The following ASIC2 variants were observed in gnomAD, a reference collection of about 807,000 sequenced individuals.
ASIC2 encodes acid sensing ion channel subunit 2.
A neutral mutation model predicts 57.3 loss-of-function variants in ASIC2; 25 were observed. The ratio of observed to expected loss-of-function variants is 0.44; its 90% CI spans 0.32 to 0.61. The LOEUF (loss-of-function observed/expected upper bound fraction) is 0.61. ASIC2 is among the 20% of genes least tolerant of loss of function. ASIC2 has a pLI of 0.06. For missense variants in ASIC2, 641 were observed against 738.1 expected, an observed-to-expected ratio of 0.87 and a Z score of 1.52; for synonymous variants, 319 against 307.5, an observed-to-expected ratio of 1.04 and a Z score of -0.39.
intron 1 of ASIC2, among the ~76,000 whole-genome samples, chr17:33,255,650 A>G (rs1202709859): frequency 6.6e-6 from 1 of 152,038 alleles, no homozygotes; most frequent in Admixed American, 6.6e-5. Flanking sequence ...TGATCTTTGT[A>G]GTGTTTTATT....
chr17:33,561,741 T>C, intron 1 of ASIC2, among the ~76,000 whole-genome samples: 1 of 152,182 alleles, frequency 6.6e-6, no homozygotes, highest in East Asian at 1.9e-4. Context: ...GAAAAAAATA[T>C]GTGCAAATAT....
chr17:33,155,568 T>C (rs977890952), intron 1 of ASIC2, among the ~76,000 whole-genome samples: 13 of 150,072 alleles, frequency 8.7e-5, no homozygotes, highest in East Asian at 1.9e-4. Flanking sequence ...TTCTTTCTTT[T>C]TTTTTTTTTT....
chr17:33,546,330 C>A (rs1039077370), intron 1 of ASIC2, among the ~76,000 whole-genome samples: 4 of 152,130 alleles, frequency 2.6e-5, no homozygotes, highest in Non-Finnish European at 5.9e-5. Context: ...TTCATGTTTT[C>A]TCAACACCTG....
chr17:33,922,039 C>A (rs190326026), intron 1 of ASIC2, among the ~76,000 whole-genome samples: 1 of 152,276 alleles, frequency 6.6e-6, no homozygotes, highest in Admixed American at 6.5e-5. Flanking sequence ...GGTCCAGGGC[C>A]ACTTTGCACT....
chr17:33,467,684 G>A (rs1034668752), intron 1 of ASIC2, among the ~76,000 whole-genome samples: 3 of 152,188 alleles, frequency 2.0e-5, no homozygotes, highest in African/African-American at 7.2e-5. Context: ...TTGATTCTAA[G>A]TCTTTAGAGA....
At chr17:33,275,162 C>T (rs932725520) in intron 1 of ASIC2, among the ~76,000 whole-genome samples, 1 of 152,118 alleles carries the variant, frequency 6.6e-6, no homozygotes, top group Non-Finnish European at 1.5e-5. Context: ...CCTGTCCCTG[C>T]GGCACTCCTG....
chr17:34,102,792 G>T (rs1044226883), intron 1 of ASIC2, among the ~76,000 whole-genome samples: 2 of 152,106 alleles, frequency 1.3e-5, no homozygotes, highest in African/African-American at 2.4e-5. Flanking sequence ...ATTTTCATAC[G>T]GTACTTTTTG....
At chr17:33,019,248 G>T (rs1036275221) in intron 7 of ASIC2, among the ~76,000 whole-genome samples, 1 of 152,024 alleles carries the variant, frequency 6.6e-6, no homozygotes, top group Non-Finnish European at 1.5e-5. Context: ...GCTGTCTATG[G>T]TTTTATGTAG....
At chr17:33,236,597 T>C (rs1224936523) in intron 1 of ASIC2, among the ~76,000 whole-genome samples, 5 of 152,156 alleles carry the variant, frequency 3.3e-5, no homozygotes, top group African/African-American at 1.2e-4. Context: ...TGCCTCAGCC[T>C]CCCAAAGTGC....
At chr17:34,081,495 T>G (rs555664279) in intron 1 of ASIC2, among the ~76,000 whole-genome samples, 28 of 152,266 alleles carry the variant, frequency 1.8e-4, no homozygotes, top group Admixed American at 1.7e-3. Flanking sequence ...TGGAAAGAGC[T>G]TTCCCCAGCA....
chr17:33,668,866 G>A (rs1382286073), intron 1 of ASIC2, among the ~76,000 whole-genome samples: 2 of 152,204 alleles, frequency 1.3e-5, no homozygotes, highest in East Asian at 3.9e-4. Context: ...AGTAGCAGAT[G>A]CAAAGGTAAA....
intron 1 of ASIC2, among the ~76,000 whole-genome samples, chr17:33,713,210 G>A (rs1909110028): frequency 6.6e-6 from 1 of 152,168 alleles, no homozygotes; most frequent in Non-Finnish European, 1.5e-5. Context: ...TGGTTTCTGG[G>A]GGCCATCTTG....
chr17:33,058,064 C>T (rs929205989), intron 3 of ASIC2, among the ~76,000 whole-genome samples: 1 of 152,064 alleles, frequency 6.6e-6, no homozygotes, highest in Non-Finnish European at 1.5e-5. Context: ...GGTATGTATG[C>T]CAGATGCCCT....
chr17:33,551,791 C>A (rs949897863), intron 1 of ASIC2, among the ~76,000 whole-genome samples: 2 of 152,174 alleles, frequency 1.3e-5, no homozygotes, highest in South Asian at 4.1e-4. Flanking sequence ...GGGAACTTGG[C>A]AGCATGGCTC....
intron 1 of ASIC2, among the ~76,000 whole-genome samples, chr17:33,972,654 G>A (rs1340595157): frequency 6.6e-6 from 1 of 152,198 alleles, no homozygotes; most frequent in East Asian, 1.9e-4. Flanking sequence ...AGCTCAATTA[G>A]TTGTCTGTGA....
At chr17:33,132,230 T>C (rs1018646609) in intron 1 of ASIC2, among the ~76,000 whole-genome samples, 2 of 152,254 alleles carry the variant, frequency 1.3e-5, no homozygotes, top group Non-Finnish European at 2.9e-5. Context: ...TTTAAACTTA[T>C]GCAATGTGAG....
intron 1 of ASIC2, chr17:34,038,704 T>C (rs1304398165): frequency 1.2e-6 from 2 of 1,602,308 alleles, no homozygotes; most frequent in Non-Finnish European, 1.7e-6. Context: ...GATGACCTAA[T>C]CTGAGTTTGA....
At chr17:33,238,247 C>T (rs529642882) in intron 1 of ASIC2, among the ~76,000 whole-genome samples, 4 of 152,318 alleles carry the variant, frequency 2.6e-5, no homozygotes, top group South Asian at 2.1e-4. Context: ...GAGAGCTGCA[C>T]GACGGCACTG....
intron 3 of ASIC2, among the ~76,000 whole-genome samples, chr17:33,029,694 A>G (rs551212381): frequency 4.6e-5 from 7 of 152,376 alleles, no homozygotes; most frequent in Admixed American, 3.3e-4. Context: ...GCACAACTTT[A>G]TAAGAAACTG....
Sources: gnomAD v4.1 joint callset for allele counts (sites outside exome capture counted in the v4.1 genomes callset) on GRCh38, gnomAD v4.1.1 for gene constraint, MANE v1.5 for transcripts, NCBI Gene and HGNC (gene_info 2026-07-23, HGNC 2026-07-21) for gene names.